The following SACS variants were observed in gnomAD, a reference collection of about 807,000 sequenced individuals.
SACS encodes the protein sacsin molecular chaperone, also known as sacsin.
SACS carries 197 observed loss-of-function variants against 348.0 expected under a neutral mutation model. The observed-to-expected ratio is 0.57, with a 90% CI of 0.50 to 0.64. SACS has a LOEUF of 0.64. Ranked by LOEUF, SACS falls within the 30% of genes least tolerant of loss-of-function variation. SACS has a pLI of 0.00. For missense variants in SACS, 4,999 were observed against 5,360.8 expected, an observed-to-expected ratio of 0.93 and a Z score of 2.11; for synonymous variants, 1,985 against 1,910.6, an observed-to-expected ratio of 1.04 and a Z score of -1.02.
chr13:23,337,479 A>C lies in SACS; in HGVS notation c.6397T>G (p.Tyr2133Asp). The C allele has an allele frequency of 6.2e-7, 1 of 1,613,882 alleles. No homozygotes were observed. The highest frequency in any genetic ancestry group is 2.2e-5 in the East Asian group (1 of 44,872). Residue 2133 changes from tyrosine (Y) to aspartate (D), a missense_variant, in exon 10 of 10, where the codon TAT becomes GAT. By Grantham distance (160) the Tyr-to-Asp change is radical. Coordinates refer to ENST00000382292, the MANE Select transcript of SACS (RefSeq NM_014363.6). ...LFDIKDGRFP[Y>D]GSTQDYLNPI... ...TTGAGATAATCCTGAGTAGAACCAT[A>C]AGGGAATCTCCCATCTTTAATATCA...
intron 6 of SACS, among the ~76,000 whole-genome samples, chr13:23,360,899 C>T (rs190955855): frequency 0.01 from 1,588 of 152,076 alleles, 19 homozygotes; most frequent in Middle Eastern, 0.031. Context: ...GGACCACAAT[C>T]GCACACCACC....
At chr13:23,395,838 C>A (rs1872692559) in intron 2 of SACS, among the ~76,000 whole-genome samples, 2 of 152,166 alleles carry the variant, frequency 1.3e-5, no homozygotes, top group Non-Finnish European at 2.9e-5. Context: ...ACTCTTTTTA[C>A]CTGACATGTA....
intron 2 of SACS, among the ~76,000 whole-genome samples, chr13:23,399,460 C>T (rs1484746788): frequency 1.3e-5 from 2 of 152,108 alleles, no homozygotes; most frequent in Non-Finnish European, 1.5e-5. Context: ...CCGCCTTTGC[C>T]GTGCCCTGAC....
At position 23,409,536 on chromosome 13, in the gene SACS, C is replaced by A. The variant is rs531697782; in HGVS notation, c.20+1684G>T. The stretch of plus-strand genomic sequence containing the variant: ...GCTAATTTTGCGTTTTTAGTAAAGA[C>A]GGGGTTTTGCCATGTTGGTCAGGCT... On this transcript the variant is annotated intron_variant, in intron 2 of 9. Coordinates refer to ENST00000382292, the MANE Select transcript of SACS (RefSeq NM_014363.6). Among the ~76,000 whole-genome samples, 110 of 150,078 alleles carry A rather than the reference C, an allele frequency of 7.3e-4. 1 individual carries two copies. In the Middle Eastern group the frequency reaches 0.011, roughly 15 times the overall value.
chr13:23,393,486 T>C (rs1488974042), intron 2 of SACS, among the ~76,000 whole-genome samples: 1 of 152,170 alleles, frequency 6.6e-6, no homozygotes, highest in Non-Finnish European at 1.5e-5. Flanking sequence ...CTTGGCCCTC[T>C]ACTGCCCACC....
At chr13:23,396,106 T>C (rs1234067929) in intron 2 of SACS, among the ~76,000 whole-genome samples, 1 of 152,114 alleles carries the variant, frequency 6.6e-6, no homozygotes, top group Admixed American at 6.6e-5. Flanking sequence ...GACAGATTAT[T>C]TGACGTCAGG....
intron 1 of SACS, among the ~76,000 whole-genome samples, chr13:23,425,145 T>C (rs1874117804): frequency 6.6e-6 from 1 of 151,546 alleles, no homozygotes; most frequent in Non-Finnish European, 1.5e-5. Context: ...TGGATGGTCC[T>C]CTGGGGTCAG....
chr13:23,372,479 T>C (rs544232612), intron 3 of SACS, among the ~76,000 whole-genome samples: 49 of 152,364 alleles, frequency 3.2e-4, no homozygotes, highest in Admixed American at 2.6e-3. Context: ...TGAACATCAC[T>C]ATCTAGCAGA....
chr13:23,391,304 T>G (rs1872518597), intron 2 of SACS, among the ~76,000 whole-genome samples: 1 of 152,220 alleles, frequency 6.6e-6, no homozygotes, highest in Non-Finnish European at 1.5e-5. Context: ...TCCAAGCATC[T>G]TTCCACAGAC....
At chr13:23,426,721 T>C (rs1566115127) in intron 1 of SACS, among the ~76,000 whole-genome samples, 1 of 151,488 alleles carries the variant, frequency 6.6e-6, no homozygotes, top group Admixed American at 6.6e-5. Flanking sequence ...AGACTGGAAG[T>C]GAGTCAGACA....
At chr13:23,427,731 TGAA>T (rs1414914129) in intron 1 of SACS, 2 of 152,070 alleles carry the variant, frequency 1.3e-5, no homozygotes, top group Admixed American at 6.5e-5. Context: ...GTGTGGGAAG[TGAA>T]GAAGTTCCTG....
intron 4 of SACS, among the ~76,000 whole-genome samples, chr13:23,369,132 A>T (rs1016123261): frequency 6.6e-6 from 1 of 152,250 alleles, no homozygotes; most frequent in Non-Finnish European, 1.5e-5. Flanking sequence ...AAAATAAATG[A>T]TGTTATTTTG....
chr13:23,399,937 A>G (rs1431202916), intron 2 of SACS, among the ~76,000 whole-genome samples: 1 of 152,154 alleles, frequency 6.6e-6, no homozygotes, highest in African/African-American at 2.4e-5. Flanking sequence ...CCCTCACCCT[A>G]AAACCAATAT....
rs532471700 is a variant in SACS at position 23,382,279 on chromosome 13, G to A, written c.21-7010C>T. 5.1e-4 allele frequency among the ~76,000 whole-genome samples: 77 copies of A among 152,134 alleles called. No homozygotes were observed. The South Asian group carries it at 0.013, about 27-fold the overall frequency. On this transcript the variant is annotated intron_variant, in intron 2 of 9. Coordinates refer to ENST00000382292, the MANE Select transcript of SACS (RefSeq NM_014363.6). Reference sequence around the variant, plus strand: ...AACAGTTCTCCTACCTTAGCCTCCCGGGTAGCTGGGATTACAGGCACCCAA... The same window carrying A: ...AACAGTTCTCCTACCTTAGCCTCCCAGGTAGCTGGGATTACAGGCACCCAA...
chr13:23,355,876 G>A lies in SACS; in HGVS notation c.736C>T (p.Gln246Ter). The A allele has an allele frequency of 6.2e-7, 1 of 1,614,152 alleles. No homozygotes were observed. The highest frequency in any genetic ancestry group is 8.5e-7 in the Non-Finnish European group (1 of 1,180,020). ...AAAATGCCAACAAATGGTGCAAACT[G>A]GTCTGAAAGTTCACTAATTTCTTTG... ...DSKEISELSD[Q>*]FAPFVGIFGS... Residue 246 changes from glutamine to a stop codon, truncating the protein, a stop_gained, in exon 8 of 10, where the codon CAG (glutamine) becomes TAG (stop). Coordinates refer to ENST00000382292, the MANE Select transcript of SACS (RefSeq NM_014363.6). LOFTEE classifies it high-confidence loss of function.
chr13:23,337,036 C>G lies in SACS; in HGVS notation c.6840G>C (p.Glu2280Asp), dbSNP rs748256556. ...GCGSVSLAVK[E>D]FLGLLKKPTV... ...TTGGCTTCTTGAGTAATCCCAAAAA[C>G]TCTTTAACAGCCAATGACACTGAAC... The change falls in exon 10 of 10, where the codon GAG (glutamate) becomes GAC (aspartate). Residue 2280 changes from glutamate to aspartate, a missense_variant. Transcript: ENST00000382292. 6.2e-7 allele frequency: 1 copy of G among 1,613,820 alleles called. No individual in the cohort carries two copies. The highest frequency in any genetic ancestry group is 1.3e-5 in the African/African-American group (1 of 74,908).
At chr13:23,379,425 G>T (rs564440042) in intron 2 of SACS, among the ~76,000 whole-genome samples, 1 of 152,244 alleles carries the variant, frequency 6.6e-6, no homozygotes, top group South Asian at 2.1e-4. Context: ...GGCTCCTCAC[G>T]CTCCCCTCAC....
At chr13:23,386,398 C>T (rs1333878982) in intron 2 of SACS, among the ~76,000 whole-genome samples, 1 of 152,232 alleles carries the variant, frequency 6.6e-6, no homozygotes, top group Non-Finnish European at 1.5e-5. Context: ...ATTCCTTAAA[C>T]CTCATGAACC....
chr13:23,375,599 GC>G, intron 2 of SACS: 1 of 1,004,824 alleles, frequency 1.0e-6, no homozygotes, highest in Non-Finnish European at 1.2e-6. Flanking sequence ...GGCGCCGCCC[GC>G]GGGGACACGC....
Sources: gnomAD v4.1 joint callset for allele counts (sites outside exome capture counted in the v4.1 genomes callset) on GRCh38, gnomAD v4.1.1 for gene constraint, MANE v1.5 for transcripts, NCBI Gene and HGNC (gene_info 2026-07-23, HGNC 2026-07-21) for gene names.